Variants in OCA2 observed in about 807,000 individuals in gnomAD.
OCA2 encodes the protein OCA2 melanosomal transmembrane protein.
A neutral mutation model predicts 100.2 loss-of-function variants in OCA2; 77 were observed. The ratio of observed to expected loss-of-function variants is 0.77; its 90% CI spans 0.64 to 0.93. OCA2 has a LOEUF of 0.93. OCA2 is among the 40% of genes least tolerant of loss of function. OCA2 has a pLI of 0.00. For missense variants in OCA2, 1,062 were observed against 1,089.1 expected, an observed-to-expected ratio of 0.98 and a Z score of 0.35; for synonymous variants, 432 against 439.2, an observed-to-expected ratio of 0.98 and a Z score of 0.21.
intron 7 of OCA2, among the ~76,000 whole-genome samples, chr15:28,017,428 C>A (rs1307207299): frequency 6.6e-6 from 1 of 152,154 alleles, no homozygotes; most frequent in Non-Finnish European, 1.5e-5. Flanking sequence ...TAAGGTCCTG[C>A]CCTTCTCCAT....
chr15:27,950,550 C>A, intron 18 of OCA2: 3 of 518,120 alleles, frequency 5.8e-6, no homozygotes, highest in South Asian at 4.2e-5. Flanking sequence ...CCAGCTTGAA[C>A]CAAGCCCAGG....
the OCA2 span, among the ~76,000 whole-genome samples, chr15:27,742,315 T>TGCACA: frequency 6.6e-6 from 1 of 152,178 alleles, no homozygotes; most frequent in African/African-American, 2.4e-5. Context: ...ATGATGTTGA[T>TGCACA]GCACAGCAAA....
At chr15:28,089,022 T>C (rs1447328264) in intron 1 of OCA2, among the ~76,000 whole-genome samples, 1 of 152,048 alleles carries the variant, frequency 6.6e-6, no homozygotes, top group Non-Finnish European at 1.5e-5. Context: ...AAAGTGGCCA[T>C]TCCAGAGGCC....
At chr15:27,936,798 G>C (rs1233603358) in intron 18 of OCA2, among the ~76,000 whole-genome samples, 1 of 152,150 alleles carries the variant, frequency 6.6e-6, no homozygotes, top group Non-Finnish European at 1.5e-5. Flanking sequence ...CCAAAGCTCG[G>C]AGTGAAGCTA....
chr15:27,853,613 G>C (rs910028314), intron 21 of OCA2, among the ~76,000 whole-genome samples: 4 of 151,590 alleles, frequency 2.6e-5, no homozygotes, highest in Non-Finnish European at 5.9e-5. Flanking sequence ...TGTTCAAACA[G>C]CATGCCCCCT....
intron 19 of OCA2, among the ~76,000 whole-genome samples, chr15:27,892,994 T>C (rs1167206175): frequency 1.3e-5 from 2 of 152,148 alleles, no homozygotes; most frequent in African/African-American, 4.8e-5. Flanking sequence ...AAACACAAAG[T>C]ATGAAAACAC....
At chr15:27,809,601 A>G (rs981181005) in intron 23 of OCA2, among the ~76,000 whole-genome samples, 21 of 152,224 alleles carry the variant, frequency 1.4e-4, no homozygotes, top group African/African-American at 4.8e-4. Context: ...TGAAGATATG[A>G]TAGTATACCT....
chr15:27,969,868 G>A (rs1233446821), intron 14 of OCA2, among the ~76,000 whole-genome samples: 1 of 144,240 alleles, frequency 6.9e-6, no homozygotes, highest in Non-Finnish European at 1.5e-5. Flanking sequence ...AGGGGCTCAA[G>A]CCAAAATGAT....
At chr15:27,744,675 C>G in the OCA2 span, among the ~76,000 whole-genome samples, 10 of 152,328 alleles carry the variant, frequency 6.6e-5, no homozygotes, top group Middle Eastern at 6.8e-3. Context: ...GACCCTCTGA[C>G]CTCCTGCTGT....
chr15:27,896,235 G>T, intron 19 of OCA2: 1 of 1,043,444 alleles, frequency 9.6e-7, no homozygotes, highest in Non-Finnish European at 1.5e-6. Flanking sequence ...ATGATTCCCT[G>T]GTTATGGTTC....
chr15:27,729,311 T>C, the OCA2 span, among the ~76,000 whole-genome samples: 3 of 82,316 alleles, frequency 3.6e-5, no homozygotes, highest in Non-Finnish European at 7.8e-5. Flanking sequence ...TTTTTTTTTT[T>C]GACTAATAGT....
chr15:28,063,924 T>A (rs2043950682), intron 2 of OCA2, among the ~76,000 whole-genome samples: 1 of 152,158 alleles, frequency 6.6e-6, no homozygotes, highest in South Asian at 2.1e-4. Context: ...AGATACTGTC[T>A]AGTGTGCTTT....
chr15:27,907,664 A>T (rs12904207), intron 19 of OCA2, among the ~76,000 whole-genome samples: 52,031 of 151,986 alleles, frequency 0.34, 9,316 homozygotes, highest in Middle Eastern at 0.51. Flanking sequence ...AATAAGAAAG[A>T]ACAACAAGGA....
intron 23 of OCA2, among the ~76,000 whole-genome samples, chr15:27,813,151 G>A (rs1305507329): frequency 2.6e-5 from 4 of 152,174 alleles, no homozygotes; most frequent in Non-Finnish European, 4.4e-5. Flanking sequence ...GTCTCTGGGG[G>A]TGGCATTGCC....
intron 2 of OCA2, among the ~76,000 whole-genome samples, chr15:28,059,142 C>T (rs2043795987): frequency 6.6e-6 from 1 of 152,188 alleles, no homozygotes. Flanking sequence ...CCTGCCCTGT[C>T]CACTCAAGCT....
At chr15:27,727,789 G>T in the OCA2 span, among the ~76,000 whole-genome samples, 2 of 152,326 alleles carry the variant, frequency 1.3e-5, 1 homozygote, top group Middle Eastern at 6.8e-3. Flanking sequence ...ACAGGGGAGA[G>T]GTAGTGGGGC....
the OCA2 span, among the ~76,000 whole-genome samples, chr15:27,720,832 G>A: frequency 6.6e-6 from 1 of 152,210 alleles, no homozygotes; most frequent in Admixed American, 6.5e-5. Flanking sequence ...TGTAAAAGAA[G>A]TACACTCTTA....
chr15:27,978,888 T>A (rs563467805), intron 14 of OCA2, among the ~76,000 whole-genome samples: 1 of 152,274 alleles, frequency 6.6e-6, no homozygotes, highest in African/African-American at 2.4e-5. Context: ...GGTTTCACCA[T>A]GTTAGCCAGG....
rs1386879466 is a variant in OCA2, at chr15:27,851,461, C to T, written c.2259G>A (p.Leu753=). ...CAACCTCAGGGTCGTGGCTCAGGTT[C>T]AGGAGCACGGGAATCTGTGGAGGAA... ...PFTATMIPVL[L]NLSHDPEVGL... The change falls in exon 22 of 24, where the codon CTG becomes CTA. Residue 753 remains leucine, a synonymous_variant. Transcript: ENST00000354638. 1.2e-6 allele frequency: 2 copies of T among 1,613,492 alleles called. No individual in the cohort carries two copies. The highest frequency in any genetic ancestry group is 1.7e-6 in the Non-Finnish European group (2 of 1,179,808).
Sources: allele counts gnomAD v4.1 joint callset (sites outside exome capture counted in the v4.1 genomes callset), GRCh38; gene constraint gnomAD v4.1.1; transcripts MANE v1.5; gene names NCBI Gene and HGNC (gene_info 2026-07-23, HGNC 2026-07-21).